Variants in PDE10A observed in about 807,000 individuals in gnomAD.
PDE10A encodes the protein phosphodiesterase 10A, also known as cAMP and cAMP-inhibited cGMP 3',5'-cyclic phosphodiesterase 10A.
PDE10A carries 39 observed loss-of-function variants against 97.7 expected under a neutral mutation model. That is an observed-to-expected ratio of 0.40 (90% CI 0.31 to 0.52). The LOEUF (loss-of-function observed/expected upper bound fraction) is 0.52. Ranked by LOEUF, PDE10A falls within the 20% of genes least tolerant of loss-of-function variation. PDE10A has a pLI of 0.56. For missense variants in PDE10A, 731 were observed against 1,047.8 expected (o/e 0.70, Z 4.17); for synonymous variants, 371 against 376.8 (o/e 0.98, Z 0.18).
intron 1 of PDE10A, among the ~76,000 whole-genome samples, chr6:165,611,314 A>T (rs1259766059): frequency 6.6e-6 from 1 of 152,194 alleles, no homozygotes; most frequent in Non-Finnish European, 1.5e-5. Context: ...TGATAAGCTG[A>T]CTTCCAACCA....
chr6:165,527,159 G>T (rs919908496), intron 2 of PDE10A, among the ~76,000 whole-genome samples: 1 of 152,214 alleles, frequency 6.6e-6, no homozygotes, highest in African/African-American at 2.4e-5. Flanking sequence ...TGAAGAATAA[G>T]TTGCTGCATT....
At chr6:165,617,663 G>A (rs1787790222) in intron 1 of PDE10A, among the ~76,000 whole-genome samples, 1 of 152,112 alleles carries the variant, frequency 6.6e-6, no homozygotes, top group African/African-American at 2.4e-5. Flanking sequence ...GAGTTTGCCA[G>A]GACGTGGGAC....
intron 5 of PDE10A, among the ~76,000 whole-genome samples, chr6:165,443,237 G>A (rs911268414): frequency 1.3e-4 from 20 of 152,072 alleles, no homozygotes; most frequent in African/African-American, 4.8e-4. Flanking sequence ...ACAGGCATTG[G>A]GTAAATGCTC....
intron 13 of PDE10A, among the ~76,000 whole-genome samples, chr6:165,399,486 G>T (rs904912092): frequency 1.2e-4 from 18 of 152,096 alleles, no homozygotes; most frequent in Non-Finnish European, 2.4e-4. Context: ...CAACGTGCAG[G>T]TTTGTTACAT....
chr6:165,793,450 G>A (rs1238026459), intron 1 of PDE10A, among the ~76,000 whole-genome samples: 2 of 152,094 alleles, frequency 1.3e-5, no homozygotes, highest in Non-Finnish European at 2.9e-5. Context: ...GGGAGAGCCT[G>A]CGAGTCCTCT....
At chr6:165,422,705 C>T (rs1484524970) in intron 10 of PDE10A, among the ~76,000 whole-genome samples, 1 of 152,014 alleles carries the variant, frequency 6.6e-6, no homozygotes, top group Non-Finnish European at 1.5e-5. Context: ...AGGAGATGGG[C>T]TCAAGCAAAA....
intron 1 of PDE10A, among the ~76,000 whole-genome samples, chr6:165,797,940 A>G (rs1778873008): frequency 6.6e-6 from 1 of 152,212 alleles, no homozygotes; most frequent in Non-Finnish European, 1.5e-5. Context: ...TTCTGAGAAT[A>G]TAGCAGATTA....
intron 1 of PDE10A, among the ~76,000 whole-genome samples, chr6:165,746,289 A>G (rs1406705625): frequency 6.6e-6 from 1 of 152,226 alleles, no homozygotes; most frequent in African/African-American, 2.4e-5. Context: ...ATGTGGGTCA[A>G]GCTTGGAGCT....
At chr6:165,709,745 C>T (rs1190038136) in intron 1 of PDE10A, among the ~76,000 whole-genome samples, 2 of 140,218 alleles carry the variant, frequency 1.4e-5, no homozygotes, top group Non-Finnish European at 3.1e-5. Context: ...CTGCCAGGCT[C>T]TCCCTCTGCG....
At chr6:165,818,966 A>G (rs6903063) in intron 1 of PDE10A, among the ~76,000 whole-genome samples, 46,528 of 152,102 alleles carry the variant, frequency 0.31, 7,883 homozygotes, top group Middle Eastern at 0.39. Flanking sequence ...GGTCTAAAAT[A>G]TCAATTCAAT....
intron 1 of PDE10A, among the ~76,000 whole-genome samples, chr6:165,612,620 T>C (rs1317518460): frequency 6.6e-6 from 1 of 152,158 alleles, no homozygotes; most frequent in Non-Finnish European, 1.5e-5. Context: ...TCTACTTGCT[T>C]TGCCTCCCAA....
intron 1 of PDE10A, among the ~76,000 whole-genome samples, chr6:165,763,892 C>T (rs913660414): frequency 6.6e-6 from 1 of 152,154 alleles, no homozygotes; most frequent in Non-Finnish European, 1.5e-5. Flanking sequence ...CTCAGCAATG[C>T]ACTTAGAGTA....
At chr6:165,572,701 G>A (rs559529123) in intron 1 of PDE10A, among the ~76,000 whole-genome samples, 238 of 152,312 alleles carry the variant, frequency 1.6e-3, no homozygotes, top group Non-Finnish European at 2.5e-3. Flanking sequence ...AGGAGTTTGA[G>A]ACCAGCCTGA....
intron 3 of PDE10A, among the ~76,000 whole-genome samples, chr6:165,457,552 G>GTA (rs370322623): frequency 4.6e-5 from 7 of 152,032 alleles, no homozygotes; most frequent in South Asian, 2.1e-4. Flanking sequence ...CAAGCTATAT[G>GTA]TATATATATG....
intron 2 of PDE10A, among the ~76,000 whole-genome samples, chr6:165,501,567 C>T (rs897389708): frequency 2.0e-5 from 3 of 147,930 alleles, no homozygotes; most frequent in Non-Finnish European, 3.0e-5. Context: ...GGCGAGACTC[C>T]GTCTCAAAAA....
chr6:165,346,629 G>A (rs1357687945), intron 18 of PDE10A, among the ~76,000 whole-genome samples: 1 of 152,100 alleles, frequency 6.6e-6, no homozygotes, highest in African/African-American at 2.4e-5. Context: ...CTTTACCAAA[G>A]GAAGGCAAAA....
At chr6:165,623,761 T>C (rs12527841) in intron 1 of PDE10A, among the ~76,000 whole-genome samples, 29,514 of 152,042 alleles carry the variant, frequency 0.19, 4,331 homozygotes, top group African/African-American at 0.42. Flanking sequence ...CTGACCAATA[T>C]GGTCCTTTTA....
intron 1 of PDE10A, among the ~76,000 whole-genome samples, chr6:165,790,369 G>T (rs1778614159): frequency 6.6e-6 from 1 of 152,172 alleles, no homozygotes; most frequent in African/African-American, 2.4e-5. Context: ...CATGGAATAT[G>T]CCCTGAAAAC....
At chr6:165,784,157 T>A (rs1288278863) in intron 1 of PDE10A, among the ~76,000 whole-genome samples, 5 of 150,448 alleles carry the variant, frequency 3.3e-5, no homozygotes, top group Non-Finnish European at 4.4e-5. Flanking sequence ...GGCGGGGAGG[T>A]TGCAGTGAGC....
Sources: allele counts gnomAD v4.1 joint callset (sites outside exome capture counted in the v4.1 genomes callset), GRCh38; gene constraint gnomAD v4.1.1; transcripts MANE v1.5; gene names NCBI Gene and HGNC (gene_info 2026-07-23, HGNC 2026-07-21).